Variants in CCDC7 observed in about 807,000 individuals in gnomAD.
The protein encoded by CCDC7 is coiled-coil domain containing 7.
CCDC7 carries 183 observed loss-of-function variants against 196.9 expected under a neutral mutation model. That is an observed-to-expected ratio of 0.93 (90% CI 0.82 to 1.05). CCDC7 has a LOEUF of 1.05. CCDC7 is among the 50% of genes least tolerant of loss of function. CCDC7 has a pLI of 0.00. For synonymous variants in CCDC7, 525 were observed against 484.6 expected (o/e 1.08, Z -1.10); for missense variants, 1,540 against 1,482.2 (o/e 1.04, Z -0.64).
chr10:32,484,892 T>G (rs954877059), intron 8 of CCDC7, among the ~76,000 whole-genome samples: 1 of 152,168 alleles, frequency 6.6e-6, no homozygotes, highest in African/African-American at 2.4e-5. Context: ...CTGCTGAATT[T>G]GGTTTGCCAG....
At chr10:32,457,486 A>G (rs1371505061) in intron 3 of CCDC7, among the ~76,000 whole-genome samples, 2 of 152,222 alleles carry the variant, frequency 1.3e-5, no homozygotes, top group Non-Finnish European at 2.9e-5. Flanking sequence ...GTGCTGCAAT[A>G]AACATGGAAG....
chr10:32,794,351 C>G (rs781548380), intron 29 of CCDC7, among the ~76,000 whole-genome samples: 1 of 152,142 alleles, frequency 6.6e-6, no homozygotes, highest in Non-Finnish European at 1.5e-5. Flanking sequence ...GATTCCATGT[C>G]TTTGCTATTG....
exon 17 of CCDC7, chr10:32,583,202 C>T: frequency 8.1e-7 from 1 of 1,231,340 alleles, no homozygotes; most frequent in Non-Finnish European, 1.0e-6. Context: ...CAGTATCATC[C>T]AGCAAAGAAG....
intron 28 of CCDC7, among the ~76,000 whole-genome samples, chr10:32,749,789 A>C (rs576478255): frequency 1.3e-5 from 2 of 152,206 alleles, no homozygotes; most frequent in Non-Finnish European, 2.9e-5. Flanking sequence ...TGTTTACTAC[A>C]AAATATGTTA....
chr10:32,707,657 A>G (rs558302060), intron 24 of CCDC7, among the ~76,000 whole-genome samples: 3 of 152,314 alleles, frequency 2.0e-5, no homozygotes, highest in Admixed American at 1.3e-4. Flanking sequence ...AAAAATCACA[A>G]ACGTTCCTAC....
At position 32,847,818 on chromosome 10, in the gene CCDC7, G is replaced by A; in HGVS notation, c.3689-15G>A. 1 of 1,538,884 alleles carries A rather than the reference G, an allele frequency of 6.5e-7. No homozygotes were observed. The highest frequency in any genetic ancestry group is 8.9e-7 in the Non-Finnish European group (1 of 1,128,948). On this transcript the variant is annotated splice_polypyrimidine_tract_variant and intron_variant, in intron 37 of 41. Transcript: ENST00000639629. ...TACCTTAAAAAGTGTTTTGAAATGT[G>A]TTTTATGTCTATAGAGACTGATGTA...
chr10:32,697,977 G>C (rs1301943783), intron 24 of CCDC7, among the ~76,000 whole-genome samples: 2 of 152,198 alleles, frequency 1.3e-5, no homozygotes, highest in Admixed American at 6.5e-5. Flanking sequence ...AAAGCTTCCA[G>C]AGGAAGGATC....
chr10:32,505,883 G>C (rs1051167455), intron 9 of CCDC7, among the ~76,000 whole-genome samples: 2 of 150,982 alleles, frequency 1.3e-5, no homozygotes, highest in Non-Finnish European at 3.0e-5. Flanking sequence ...AGACGGGGCT[G>C]CCAGTCAGAG....
intron 9 of CCDC7, among the ~76,000 whole-genome samples, chr10:32,495,807 G>C (rs1421763931): frequency 6.6e-6 from 1 of 152,150 alleles, no homozygotes; most frequent in Non-Finnish European, 1.5e-5. Flanking sequence ...TTGTAGTATA[G>C]TTTGAAGCCA....
intron 20 of CCDC7, among the ~76,000 whole-genome samples, chr10:32,650,028 G>A (rs1179608009): frequency 6.6e-6 from 1 of 152,186 alleles, no homozygotes; most frequent in East Asian, 1.9e-4. Flanking sequence ...AATCCAGACT[G>A]GTTATGAACC....
intron 32 of CCDC7, among the ~76,000 whole-genome samples, chr10:32,830,293 CACA>C (rs1432750539): frequency 2.7e-5 from 4 of 148,986 alleles, no homozygotes; most frequent in Admixed American, 6.7e-5. Flanking sequence ...GAAACATGTA[CACA>C]ACAAGATTCC....
At chr10:32,736,171 A>G (rs935297107) in intron 28 of CCDC7, among the ~76,000 whole-genome samples, 1 of 152,126 alleles carries the variant, frequency 6.6e-6, no homozygotes, top group African/African-American at 2.4e-5. Flanking sequence ...AATTAGAATC[A>G]GTTTGTTGAT....
chr10:32,667,002 A>G (rs1339172014), intron 21 of CCDC7, among the ~76,000 whole-genome samples: 1 of 152,136 alleles, frequency 6.6e-6, no homozygotes, highest in Non-Finnish European at 1.5e-5. Flanking sequence ...ACAGTGTAAA[A>G]GCGTTCCTAT....
intron 8 of CCDC7, among the ~76,000 whole-genome samples, chr10:32,484,974 C>G (rs929258359): frequency 5.9e-5 from 9 of 152,308 alleles, no homozygotes; most frequent in African/African-American, 1.9e-4. Flanking sequence ...TTTGTTGTGT[C>G]TCTGCCAGGC....
At chr10:32,648,619 C>T (rs1446189932) in intron 20 of CCDC7, among the ~76,000 whole-genome samples, 2 of 152,166 alleles carry the variant, frequency 1.3e-5, no homozygotes, top group South Asian at 2.1e-4. Flanking sequence ...AACTAATTTA[C>T]ACTCCCACCA....
Position 32,846,400 on chromosome 10 carries a change from A to G in CCDC7, c.3629A>G (p.Asp1210Gly), listed in dbSNP as rs763021197. The change falls in exon 37 of 42, where the codon GAT (aspartate) becomes GGT (glycine). Residue 1210 changes from aspartate to glycine, a missense_variant. Physicochemically the swap from Asp to Gly is moderately conservative, Grantham distance 94. Coordinates refer to ENST00000639629, the Ensembl canonical transcript of CCDC7. ...GAGACTGATAAAGAACTCTTAAAAG[A>G]TGCTATTGGAAGAGATATAATAAAG... 4 of 1,591,220 alleles carry G rather than the reference A, an allele frequency of 2.5e-6. No homozygotes were observed. The South Asian group carries it at 4.4e-5, about 18-fold the overall frequency.
intron 21 of CCDC7, among the ~76,000 whole-genome samples, chr10:32,675,360 A>C (rs959098956): frequency 2.7e-5 from 4 of 148,154 alleles, no homozygotes; most frequent in African/African-American, 1.0e-4. Flanking sequence ...ATTGTTATCT[A>C]TTTTAAATTG....
At chr10:32,828,688 A>G (rs1044847710) in intron 32 of CCDC7, among the ~76,000 whole-genome samples, 23 of 152,142 alleles carry the variant, frequency 1.5e-4, no homozygotes, top group Non-Finnish European at 3.1e-4. Context: ...CTAGGTGACA[A>G]TACTTTGCAG....
intron 18 of CCDC7, among the ~76,000 whole-genome samples, chr10:32,611,635 C>A (rs1010204249): frequency 9.2e-5 from 14 of 152,098 alleles, no homozygotes; most frequent in African/African-American, 3.4e-4. Flanking sequence ...AGTTTTCTGC[C>A]TATGGCTAGC....
Sources: gnomAD v4.1 joint callset for allele counts (sites outside exome capture counted in the v4.1 genomes callset) on GRCh38, gnomAD v4.1.1 for gene constraint, MANE v1.5 for transcripts, NCBI Gene and HGNC (gene_info 2026-07-23, HGNC 2026-07-21) for gene names.